Variants in RAB11FIP1 observed in about 807,000 individuals in gnomAD.
RAB11FIP1 encodes rab11 family-interacting protein 1.
Under a neutral mutation model 83.1 loss-of-function variants are expected in RAB11FIP1, and 49 were observed. That is an observed-to-expected ratio of 0.59 (90% CI 0.47 to 0.75). The LOEUF (loss-of-function observed/expected upper bound fraction) is 0.75. Among genes scored for constraint, RAB11FIP1 ranks in the 30% least tolerant of loss-of-function variants. The pLI, the probability that RAB11FIP1 is intolerant of heterozygous loss-of-function variation, is 0.00. For synonymous variants in RAB11FIP1, 670 were observed against 656.0 expected (o/e 1.02, Z -0.33); for missense variants, 1,536 against 1,598.7 (o/e 0.96, Z 0.67).
In RAB11FIP1 at chr8:37,871,423, G is replaced by T; in HGVS notation, c.3379C>A (p.Gln1127Lys). ...GAGCCCTCTGCTGTGGCTTTTTTTT[G>T]AGATTCTGCTGTGCTGGTGTGGTGA... ...DTHHTSTAES[Q>K]KKATAEGSAG... Residue 1127 changes from glutamine to lysine, a missense_variant, in exon 4 of 6, where the codon CAA becomes AAA. By Grantham distance (53) the Gln-to-Lys change is moderately conservative. Coordinates refer to ENST00000330843, the MANE Select transcript of RAB11FIP1 (RefSeq NM_001002814.3). 6.2e-7 allele frequency: 1 copy of T among 1,613,220 alleles called. No homozygotes were observed. The highest frequency in any genetic ancestry group is 1.1e-5 in the South Asian group (1 of 91,052).
At chr8:37,865,814 G>A (rs1806330485) in intron 5 of RAB11FIP1, among the ~76,000 whole-genome samples, 1 of 151,824 alleles carries the variant, frequency 6.6e-6, no homozygotes, top group South Asian at 2.1e-4. Context: ...TTTTCAATTT[G>A]TACAATTATA....
intron 1 of RAB11FIP1, among the ~76,000 whole-genome samples, chr8:37,889,574 G>C (rs1265691314): frequency 1.3e-5 from 2 of 152,164 alleles, no homozygotes; most frequent in Non-Finnish European, 2.9e-5. Flanking sequence ...TTTAAGAATG[G>C]AAAAATAAAA....
intron 2 of RAB11FIP1, among the ~76,000 whole-genome samples, chr8:37,876,437 A>G (rs141889868): frequency 6.6e-6 from 1 of 151,596 alleles, no homozygotes. Flanking sequence ...CTAAAAAAAA[A>G]ATTTTTTTTA....
At chr8:37,873,964 A>T (rs1201676403) in intron 3 of RAB11FIP1, among the ~76,000 whole-genome samples, 1 of 152,166 alleles carries the variant, frequency 6.6e-6, no homozygotes, top group Non-Finnish European at 1.5e-5. Flanking sequence ...GTCAGTATGA[A>T]TGTGATCACA....
rs35243840 is a variant in RAB11FIP1 at position 37,899,404 on chromosome 8, GC to G, written c.37del (p.Ala13ProfsTer10). ...CTGCACGTGGGTTGGGGACCACACG[GC>G]CCCCAGGCCCCGGCCAGCCGAGACC... ...LMVSAGRGLG[A>X]VWSPTHVQVT... is the part of the protein sequence containing the mutation. On this transcript the variant is annotated frameshift_variant, in exon 1 of 6. Transcript: ENST00000330843. LOFTEE classifies it high-confidence loss of function. This position sits in a 1 kb window ranked among gnomAD's most constrained non-coding sequence, Gnocchi z 4.5. 6.3e-7 allele frequency: 1 copy of G among 1,587,966 alleles called. No individual in the cohort carries two copies. The highest frequency in any genetic ancestry group is 2.3e-5 in the East Asian group (1 of 43,520).
At chr8:37,870,975 T>A (rs535646303) in intron 4 of RAB11FIP1, 42 of 374,880 alleles carry the variant, frequency 1.1e-4, no homozygotes, top group Middle Eastern at 7.5e-4. Context: ...TACCACTCAA[T>A]GCCAGTTAGT....
chr8:37,895,218 A>ATATATATATATAT (rs1807040291), intron 1 of RAB11FIP1, among the ~76,000 whole-genome samples: 1 of 13,706 alleles, frequency 7.3e-5, no homozygotes, highest in African/African-American at 2.1e-4. Flanking sequence ...GGTGCCTGCC[A>ATATATATATATAT]ATATATATAT....
At position 37,874,704 on chromosome 8, in the gene RAB11FIP1, C is replaced by T. The variant is rs199964996; in HGVS notation, c.1433G>A (p.Gly478Glu). 18 of 1,614,086 alleles carry T rather than the reference C, an allele frequency of 1.1e-5. No homozygotes were observed. Among genetic ancestry groups the T allele is most frequent in the Non-Finnish European group, 1.4e-5 (17 of 1,180,008 alleles). Reference sequence around the variant, plus strand: ...TCTTCTCACAAGGTCTTCAGCAGGCCCCGATGCGTCCTCCCCCGGCTTAAC... The same window carrying T: ...TCTTCTCACAAGGTCTTCAGCAGGCTCCGATGCGTCCTCCCCCGGCTTAAC... ...MGVKPGEDAS[G>E]PAEDLVRRSE... The change falls in exon 3 of 6, where the codon GGG (glycine) becomes GAG (glutamate). Residue 478 changes from glycine to glutamate, a missense_variant. By Grantham distance (98) the Gly-to-Glu change is moderately conservative. Coordinates refer to ENST00000330843, the MANE Select transcript of RAB11FIP1 (RefSeq NM_001002814.3).
At chr8:37,893,518 G>A (rs898689219) in intron 1 of RAB11FIP1, among the ~76,000 whole-genome samples, 6 of 152,036 alleles carry the variant, frequency 3.9e-5, no homozygotes, top group African/African-American at 1.2e-4. Flanking sequence ...GCAAGGTGGC[G>A]CACACCTGTA....
chr8:37,871,720 A>G lies in RAB11FIP1; in HGVS notation c.3082T>C (p.Cys1028Arg), dbSNP rs1309590077. ...ADRLVLGEGL[C>R]DFRLQAPQAS... The stretch of plus-strand genomic sequence containing the variant: ...TGGGGTGCTTGCAGCCTGAAATCAC[A>G]CAGGCCCTCCCCCAGTACCAACCTA... Residue 1028 changes from cysteine (C) to arginine (R), a missense_variant, in exon 4 of 6, where the codon TGT (cysteine) becomes CGT (arginine). Transcript: ENST00000330843. 5 of 1,613,492 alleles carry G rather than the reference A, an allele frequency of 3.1e-6. No homozygotes were observed. The highest frequency in any genetic ancestry group is 1.3e-5 in the African/African-American group (1 of 74,910).
At chr8:37,895,217 CAATATA>C (rs1807039985) in intron 1 of RAB11FIP1, among the ~76,000 whole-genome samples, 1 of 32,640 alleles carries the variant, frequency 3.1e-5, no homozygotes, top group African/African-American at 1.2e-4. Flanking sequence ...AGGTGCCTGC[CAATATA>C]TATATATATA....
chr8:37,872,879 T>A lies in RAB11FIP1; in HGVS notation c.1923A>T (p.Leu641Phe), dbSNP rs1806509589. 3 of 1,614,074 alleles carry A rather than the reference T, an allele frequency of 1.9e-6. No individual in the cohort carries two copies. In the South Asian group the frequency reaches 3.3e-5, roughly 18 times the overall value. Residue 641 changes from leucine (L) to phenylalanine (F), a missense_variant, in exon 4 of 6, where the codon TTA (leucine) becomes TTT (phenylalanine). By Grantham distance (22) the Leu-to-Phe change is conservative. Transcript: ENST00000330843. Reference protein sequence around the residue: ...LPKAELQTESLTPVPNSGSSA... With the variant: ...LPKAELQTESFTPVPNSGSSA... ...AAGAACCAGAATTTGGAACCGGTGT[T>A]AAACTCTCAGTTTGCAACTCTGCCT...
Position 37,875,262 on chromosome 8 carries a change from G to A in RAB11FIP1, c.875C>T (p.Thr292Ile), listed in dbSNP as rs767371241. The A allele has an allele frequency of 1.2e-6, 2 of 1,613,918 alleles. No individual in the cohort carries two copies. The highest frequency in any genetic ancestry group is 1.6e-4 in the Middle Eastern group (1 of 6,062). Residue 292 changes from threonine (T) to isoleucine (I), a missense_variant, in exon 3 of 6, where the codon ACC becomes ATC. By Grantham distance (89) the Thr-to-Ile change is moderately conservative. Coordinates refer to ENST00000330843, the MANE Select transcript of RAB11FIP1 (RefSeq NM_001002814.3). ...GGAAAGTCCTTCCTTCTTGGGAAGG[G>A]TAAAGTTGACCTGGTTCAGTTGCTT... ...DLKQLNQVNF[T>I]LPKKEGLSFL...
Position 37,871,263 on chromosome 8 carries a change from T to A in RAB11FIP1, c.3524+15A>T. 1 of 1,584,964 alleles carries A rather than the reference T, an allele frequency of 6.3e-7. No individual in the cohort carries two copies. The highest frequency in any genetic ancestry group is 8.6e-7 in the Non-Finnish European group (1 of 1,168,704). On this transcript the variant is annotated intron_variant, in intron 4 of 5. Coordinates refer to ENST00000330843, the MANE Select transcript of RAB11FIP1 (RefSeq NM_001002814.3). ...ATTGCTCACATTTACATAGACAATC[T>A]CCCCCATCTCTCACCTGTGCTTGGC... is the stretch of plus-strand genomic sequence containing the variant.
At chr8:37,893,471 A>G (rs1806991482) in intron 1 of RAB11FIP1, among the ~76,000 whole-genome samples, 1 of 152,130 alleles carries the variant, frequency 6.6e-6, no homozygotes. Flanking sequence ...CATAGTAGGC[A>G]TTAAAAAATA....
At chr8:37,895,016 C>T (rs1807035527) in intron 1 of RAB11FIP1, among the ~76,000 whole-genome samples, 1 of 147,334 alleles carries the variant, frequency 6.8e-6, no homozygotes, top group African/African-American at 2.5e-5. Context: ...CCTTGGCCTC[C>T]TAAAGTGCTG....
chr8:37,891,934 C>T (rs760184615), intron 1 of RAB11FIP1, among the ~76,000 whole-genome samples: 5 of 152,184 alleles, frequency 3.3e-5, no homozygotes, highest in Admixed American at 6.5e-5. Context: ...CATACATACA[C>T]GCCCTGGTTT....
chr8:37,872,486 C>A lies in RAB11FIP1; in HGVS notation c.2316G>T (p.Ala772=). The A allele has an allele frequency of 1.2e-6, 2 of 1,614,106 alleles. No homozygotes were observed. Among genetic ancestry groups the A allele is most frequent in the Non-Finnish European group, 1.7e-6 (2 of 1,180,014 alleles). Reference sequence around the variant, plus strand: ...CTGATGCTCCCATGGGAAGAGGGGGCGCCACTTCTTCAGCTGCATCCCTGG... The same window carrying A: ...CTGATGCTCCCATGGGAAGAGGGGGAGCCACTTCTTCAGCTGCATCCCTGG... The part of the protein sequence containing the change: ...SKARDAAEEV[A]PPLPMGASVP... The change falls in exon 4 of 6, where the codon GCG becomes GCT. Residue 772 remains alanine, a synonymous_variant. Transcript: ENST00000330843.
intron 1 of RAB11FIP1, among the ~76,000 whole-genome samples, chr8:37,894,252 T>C (rs1807014754): frequency 6.6e-6 from 1 of 152,256 alleles, no homozygotes; most frequent in African/African-American, 2.4e-5. Flanking sequence ...ACCCATTGCT[T>C]ATAATTTGTG....
Sources: gnomAD v4.1 joint callset for allele counts (sites outside exome capture counted in the v4.1 genomes callset) on GRCh38, gnomAD v4.1.1 for gene constraint, Gnocchi (gnomAD v3.1) non-coding constraint, MANE v1.5 for transcripts, NCBI Gene and HGNC (gene_info 2026-07-23, HGNC 2026-07-21) for gene names.